Variants in PCDHGA5 observed in about 807,000 individuals in gnomAD.
The protein encoded by PCDHGA5 is protocadherin gamma subfamily A, 5.
A neutral mutation model predicts 56.7 loss-of-function variants in PCDHGA5; 36 were observed. The observed-to-expected ratio is 0.64, with a 90% CI of 0.49 to 0.84. The LOEUF (loss-of-function observed/expected upper bound fraction) is 0.84, where lower values mean the gene tolerates loss of function less well. Among genes scored for constraint, PCDHGA5 ranks in the 40% least tolerant of loss-of-function variants. PCDHGA5 has a pLI of 0.00. For missense variants in PCDHGA5, 1,305 were observed against 1,201.5 expected, an observed-to-expected ratio of 1.09 and a Z score of -1.27; for synonymous variants, 563 against 520.2, an observed-to-expected ratio of 1.08 and a Z score of -1.12.
chr5:141,370,192 G>T (rs1346847979), intron 1 of PCDHGA5: 1 of 524,194 alleles, frequency 1.9e-6, no homozygotes, highest in South Asian at 3.7e-5. Flanking sequence ...CTTGGCTAGT[G>T]CTGTGCAAAA....
At chr5:141,392,633 A>T (rs2092567816) in intron 1 of PCDHGA5, 1 of 610,728 alleles carries the variant, frequency 1.6e-6, no homozygotes, top group African/African-American at 1.9e-5. Flanking sequence ...CTCAGATCTC[A>T]CACCTCACGA....
At chr5:141,392,585 G>A (rs749915419) in intron 1 of PCDHGA5, 4 of 468,068 alleles carry the variant, frequency 8.5e-6, no homozygotes, top group Non-Finnish European at 1.5e-5. Context: ...TGTAAGCGCC[G>A]CTGTTCACCT....
intron 1 of PCDHGA5, among the ~76,000 whole-genome samples, chr5:141,436,410 G>T (rs2154557099): frequency 6.6e-6 from 1 of 152,200 alleles, no homozygotes; most frequent in East Asian, 1.9e-4. Flanking sequence ...TTGAATGAAT[G>T]GATAAACAAA....
chr5:141,507,781 C>A (rs2099863256), intron 3 of PCDHGA5, among the ~76,000 whole-genome samples: 1 of 152,214 alleles, frequency 6.6e-6, no homozygotes, highest in South Asian at 2.1e-4. Flanking sequence ...CAGGGCCTGA[C>A]CCTCGTCTAA....
Position 141,451,680 on chromosome 5 carries a change from A to G in PCDHGA5, c.2422-43127A>G, listed in dbSNP as rs189200375. Among the ~76,000 whole-genome samples, 85 of 152,310 alleles carry G rather than the reference A, an allele frequency of 5.6e-4. 1 individual carries two copies. The East Asian group carries it at 0.012, about 21-fold the overall frequency. On this transcript the variant is annotated intron_variant, in intron 1 of 3. Coordinates refer to ENST00000518069, the MANE Select transcript of PCDHGA5 (RefSeq NM_018918.3). The stretch of plus-strand genomic sequence containing the variant: ...GTGGACTGCTTGAGCCCAGGAGTTC[A>G]AGACCAGCCTGGGTAACATGACAAA...
chr5:141,373,621 A>G (rs908270659), intron 1 of PCDHGA5, among the ~76,000 whole-genome samples: 1 of 152,256 alleles, frequency 6.6e-6, no homozygotes, highest in Admixed American at 6.5e-5. Flanking sequence ...AGAAGATTGT[A>G]ATATTATTTC....
rs2233613 is a variant in PCDHGA5 at position 141,511,203 on chromosome 5, G to A, written c.*30G>A. 0.14 allele frequency: 222,603 copies of A among 1,611,360 alleles called. 15,640 individuals carry two copies. The highest frequency in any genetic ancestry group is 0.18 in the Admixed American group (10,873 of 59,374). ...GAGGCCAGGCCAAGAGCCACAGGGC[G>A]GCCTCTCCCCAACCAGCCCAGCTTC... On this transcript the variant is annotated 3_prime_UTR_variant, in exon 4 of 4. Transcript: ENST00000518069.
At chr5:141,392,131 T>C (rs1434001990) in intron 1 of PCDHGA5, 2 of 152,204 alleles carry the variant, frequency 1.3e-5, no homozygotes, top group African/African-American at 4.8e-5. Flanking sequence ...TGTAAAATGA[T>C]TAAGTAGTTT....
At position 141,485,576 on chromosome 5, in the gene PCDHGA5, C is replaced by A; in HGVS notation, c.2422-9231C>A. 1 of 1,612,412 alleles carries A rather than the reference C, an allele frequency of 6.2e-7. No individual in the cohort carries two copies. The highest frequency in any genetic ancestry group is 8.5e-7 in the Non-Finnish European group (1 of 1,178,628). On this transcript the variant is annotated intron_variant, in intron 1 of 3. Transcript: ENST00000518069. The surrounding 1 kb of genome is among the most constrained non-coding windows in gnomAD (Gnocchi z 5.7). ...GAATGATCACGCCCCCCGTTTTCCGCGGCAGCAGCTGGACTTGGAAATTGG... is the reference window on the plus strand; with the variant it reads ...GAATGATCACGCCCCCCGTTTTCCGAGGCAGCAGCTGGACTTGGAAATTGG...
intron 1 of PCDHGA5, chr5:141,373,960 G>A: frequency 1.1e-6 from 1 of 939,502 alleles, no homozygotes; most frequent in African/African-American, 1.7e-5. Flanking sequence ...ATTCTGACCT[G>A]AAACGCTTCG....
rs1192987646 is a variant in PCDHGA5, at chr5:141,423,758, G to A, written c.2421+57007G>A. Reference sequence around the variant, plus strand: ...CTGTTATGAAAACTGTTTGGGGGGGGGGTGGGGCGGCATATATTTAGTTCA... The same window carrying A: ...CTGTTATGAAAACTGTTTGGGGGGGAGGTGGGGCGGCATATATTTAGTTCA... On this transcript the variant is annotated intron_variant, in intron 1 of 3. Coordinates refer to ENST00000518069, the MANE Select transcript of PCDHGA5 (RefSeq NM_018918.3). 8.2e-5 allele frequency: 30 copies of A among 366,770 alleles called. 3 individuals are homozygous for A. Among genetic ancestry groups the A allele is most frequent in the Non-Finnish European group, 1.1e-4 (29 of 259,742 alleles). The allele number at this position is 366,770 out of a possible 1,614,324, so 22.7% of individuals were successfully genotyped here.
intron 2 of PCDHGA5, among the ~76,000 whole-genome samples, chr5:141,503,909 C>T (rs904260329): frequency 1.3e-5 from 2 of 152,156 alleles, no homozygotes; most frequent in Admixed American, 1.3e-4. Flanking sequence ...ACACACACAA[C>T]GCAACACACA....
intron 1 of PCDHGA5, among the ~76,000 whole-genome samples, chr5:141,492,574 G>T (rs2099742096): frequency 6.6e-6 from 1 of 152,232 alleles, no homozygotes; most frequent in Non-Finnish European, 1.5e-5. Flanking sequence ...TGAGCGAGGC[G>T]CGGGGCCAGG....
At chr5:141,417,052 CTT>C (rs1308339867) in intron 1 of PCDHGA5, 2 of 151,464 alleles carry the variant, frequency 1.3e-5, no homozygotes, top group African/African-American at 4.9e-5. Context: ...AAAAACTGCT[CTT>C]GACATTGTAG....
At position 141,511,219 on chromosome 5, in the gene PCDHGA5, G is replaced by A. The variant is rs1467284181; in HGVS notation, c.*46G>A. On this transcript the variant is annotated 3_prime_UTR_variant, in exon 4 of 4. Coordinates refer to ENST00000518069, the MANE Select transcript of PCDHGA5 (RefSeq NM_018918.3). ...CCACAGGGCGGCCTCTCCCCAACCA[G>A]CCCAGCTTCTCCTTACCTGCACCCA... 5 of 1,606,366 alleles carry A rather than the reference G, an allele frequency of 3.1e-6. No individual in the cohort carries two copies. The highest frequency in any genetic ancestry group is 2.7e-5 in the African/African-American group (2 of 74,686).
intron 1 of PCDHGA5, among the ~76,000 whole-genome samples, chr5:141,474,990 A>G (rs1245269630): frequency 6.6e-6 from 1 of 152,222 alleles, no homozygotes; most frequent in African/African-American, 2.4e-5. Context: ...GGTGACAACA[A>G]TTCTAAATGC....
chr5:141,371,072 C>T (rs1456354595), intron 1 of PCDHGA5: 3 of 1,613,886 alleles, frequency 1.9e-6, no homozygotes, highest in South Asian at 1.1e-5. Context: ...GCTGTACCAC[C>T]CAGATCAGGG....
At chr5:141,418,326 C>T (rs1398536611) in intron 1 of PCDHGA5, 2 of 1,613,986 alleles carry the variant, frequency 1.2e-6, no homozygotes, top group Non-Finnish European at 1.7e-6. Context: ...ATTCTTGAGT[C>T]TGCAGAAGAT....
At chr5:141,452,082 T>C (rs924362905) in intron 1 of PCDHGA5, among the ~76,000 whole-genome samples, 6 of 152,358 alleles carry the variant, frequency 3.9e-5, no homozygotes, top group Admixed American at 6.5e-5. Flanking sequence ...GTTGGCATTA[T>C]ACAGTAAGAA....
Sources: allele counts gnomAD v4.1 joint callset (sites outside exome capture counted in the v4.1 genomes callset), GRCh38; gene constraint gnomAD v4.1.1; non-coding constraint Gnocchi (gnomAD v3.1); transcripts MANE v1.5; gene names NCBI Gene and HGNC (gene_info 2026-07-23, HGNC 2026-07-21).